Variants in SDK1 observed in about 807,000 individuals in gnomAD.
SDK1 encodes sidekick cell adhesion molecule 1.
Under a neutral mutation model 245.5 loss-of-function variants are expected in SDK1, and 157 were observed. That is an observed-to-expected ratio of 0.64 (90% CI 0.56 to 0.73). The LOEUF (loss-of-function observed/expected upper bound fraction) is 0.73, where lower values mean the gene tolerates loss of function less well. Ranked by LOEUF, SDK1 falls within the 30% of genes least tolerant of loss-of-function variation. The pLI, the probability that SDK1 is intolerant of heterozygous loss-of-function variation, is 0.00. For missense variants in SDK1, 3,583 were observed against 3,002.3 expected, an observed-to-expected ratio of 1.19 and a Z score of -4.52; for synonymous variants, 1,647 against 1,278.5, an observed-to-expected ratio of 1.29 and a Z score of -6.15.
chr7:3,309,320 C>T (rs1277310765), intron 1 of SDK1, among the ~76,000 whole-genome samples: 1 of 149,844 alleles, frequency 6.7e-6, no homozygotes, highest in Admixed American at 6.6e-5. Flanking sequence ...CACCAGATGG[C>T]AACAGAAAAA....
intron 35 of SDK1, among the ~76,000 whole-genome samples, chr7:4,192,371 G>A (rs532131214): frequency 5.9e-5 from 9 of 152,296 alleles, no homozygotes; most frequent in African/African-American, 1.9e-4. Flanking sequence ...CGCCTCCCGG[G>A]TTCACACCAT....
chr7:3,778,165 G>A (rs117624833), intron 4 of SDK1, among the ~76,000 whole-genome samples: 1 of 152,268 alleles, frequency 6.6e-6, no homozygotes, highest in East Asian at 1.9e-4. Flanking sequence ...TGTATAAAAT[G>A]AAAGTCTTCC....
chr7:3,839,037 G>A (rs1313267119), intron 5 of SDK1, among the ~76,000 whole-genome samples: 2 of 152,168 alleles, frequency 1.3e-5, no homozygotes, highest in Non-Finnish European at 2.9e-5. Context: ...TCAGGCCTCA[G>A]TGACTCCAGG....
At chr7:3,647,541 T>C (rs771889823) in intron 4 of SDK1, among the ~76,000 whole-genome samples, 2 of 152,178 alleles carry the variant, frequency 1.3e-5, no homozygotes, top group Non-Finnish European at 2.9e-5. Flanking sequence ...ATTTTCGTGC[T>C]TCAGCCTCCA....
Position 3,676,411 on chromosome 7 carries a change from C to T in SDK1, c.713+34306C>T, listed in dbSNP as rs1456920443. 2.0e-5 allele frequency among the ~76,000 whole-genome samples: 3 copies of T among 151,388 alleles called. No individual in the cohort carries two copies. In the East Asian group the frequency reaches 5.9e-4, roughly 30 times the overall value. On this transcript the variant is annotated intron_variant, in intron 4 of 44. Transcript: ENST00000404826. The stretch of plus-strand genomic sequence containing the variant: ...CGCAGTCTCAGCTCAGTGCAAGCTC[C>T]ACCTCCCAGGTTCACACCATTCTCC...
chr7:3,485,190 C>G (rs567264999), intron 1 of SDK1, among the ~76,000 whole-genome samples: 1 of 152,142 alleles, frequency 6.6e-6, no homozygotes, highest in Non-Finnish European at 1.5e-5. Flanking sequence ...TTGATAATAG[C>G]TATCATATCT....
intron 30 of SDK1, 47 bp downstream of exon 30, chr7:4,149,510 G>A (rs1335559166): frequency 1.3e-5 from 17 of 1,310,372 alleles, no homozygotes; most frequent in South Asian, 6.9e-5. Flanking sequence ...GGCCCTGGCC[G>A]CCTCCAGCCA....
intron 1 of SDK1, among the ~76,000 whole-genome samples, chr7:3,436,884 A>C (rs1012293660): frequency 2.0e-5 from 3 of 152,214 alleles, no homozygotes; most frequent in East Asian, 1.9e-4. Flanking sequence ...TAGACAATAG[A>C]ATGTTCTGTA....
intron 1 of SDK1, among the ~76,000 whole-genome samples, chr7:3,406,728 T>G (rs1009126321): frequency 3.9e-5 from 6 of 152,166 alleles, no homozygotes; most frequent in Admixed American, 1.3e-4. Flanking sequence ...TCAGACTTTT[T>G]GAATGCTGGA....
chr7:3,677,384 T>C (rs956332056), intron 4 of SDK1, among the ~76,000 whole-genome samples: 1 of 152,228 alleles, frequency 6.6e-6, no homozygotes, highest in African/African-American at 2.4e-5. Flanking sequence ...TTTAATGGAC[T>C]CACAGTTCCA....
intron 4 of SDK1, among the ~76,000 whole-genome samples, chr7:3,771,313 C>T (rs765433491): frequency 5.9e-5 from 9 of 151,930 alleles, no homozygotes; most frequent in Non-Finnish European, 1.3e-4. Context: ...TCACTTGCGT[C>T]GAGTGAACCA....
At chr7:3,852,589 A>C (rs982758313) in intron 5 of SDK1, among the ~76,000 whole-genome samples, 29 of 151,480 alleles carry the variant, frequency 1.9e-4, no homozygotes, top group Non-Finnish European at 3.5e-4. Context: ...CTACTAAAAA[A>C]TACAAAAAAA....
intron 44 of SDK1, among the ~76,000 whole-genome samples, chr7:4,255,916 T>C (rs78002650): frequency 2.8e-5 from 2 of 71,964 alleles, no homozygotes; most frequent in Non-Finnish European, 5.2e-5. Context: ...TCCAAATACT[T>C]TTTTTTTTTT....
intron 35 of SDK1, among the ~76,000 whole-genome samples, chr7:4,202,495 G>C (rs1027800418): frequency 6.6e-5 from 10 of 152,226 alleles, no homozygotes; most frequent in Non-Finnish European, 1.5e-4. Flanking sequence ...CAGAAAGTGA[G>C]TTGTTTGGTC....
chr7:3,495,354 C>T (rs1463822564), intron 1 of SDK1, among the ~76,000 whole-genome samples: 3 of 148,206 alleles, frequency 2.0e-5, no homozygotes, highest in Admixed American at 7.0e-5. Flanking sequence ...GCCTCTCAGG[C>T]TCAGGTGATT....
At chr7:3,333,840 G>C (rs1183663676) in intron 1 of SDK1, among the ~76,000 whole-genome samples, 1 of 152,160 alleles carries the variant, frequency 6.6e-6, no homozygotes, top group Non-Finnish European at 1.5e-5. Flanking sequence ...AACGCTCCTA[G>C]CAGGTTGTGC....
intron 4 of SDK1, among the ~76,000 whole-genome samples, chr7:3,663,971 G>C (rs1783445247): frequency 1.3e-5 from 2 of 152,244 alleles, no homozygotes; most frequent in South Asian, 4.1e-4. Flanking sequence ...TTATAAATTT[G>C]AGAAAAATTA....
At chr7:3,373,030 A>G (rs777029927) in intron 1 of SDK1, among the ~76,000 whole-genome samples, 2 of 152,252 alleles carry the variant, frequency 1.3e-5, no homozygotes, top group Non-Finnish European at 2.9e-5. Context: ...AGTTTATTCT[A>G]TGCTCAATAT....
chr7:4,073,856 C>G (rs1031953459), intron 20 of SDK1, among the ~76,000 whole-genome samples: 24 of 152,116 alleles, frequency 1.6e-4, no homozygotes, highest in Non-Finnish European at 2.5e-4. Flanking sequence ...GCCGGTCTTG[C>G]AAGATCGAGT....
Sources: allele counts gnomAD v4.1 joint callset (sites outside exome capture counted in the v4.1 genomes callset), GRCh38; gene constraint gnomAD v4.1.1; transcripts MANE v1.5; gene names NCBI Gene and HGNC (gene_info 2026-07-23, HGNC 2026-07-21).